Variants in TRIO observed in about 807,000 individuals in gnomAD.
The protein encoded by TRIO is trio Rho guanine nucleotide exchange factor, also known as triple functional domain protein.
Under a neutral mutation model 351.9 loss-of-function variants are expected in TRIO, and 58 were observed. That is an observed-to-expected ratio of 0.16 (90% CI 0.13 to 0.21). TRIO has a LOEUF of 0.21. Among genes scored for constraint, TRIO ranks in the 10% least tolerant of loss-of-function variants. The pLI is 1.00. For missense variants in TRIO, 3,201 were observed against 4,027.8 expected, an observed-to-expected ratio of 0.79 and a Z score of 5.56; for synonymous variants, 1,758 against 1,595.7, an observed-to-expected ratio of 1.10 and a Z score of -2.42.
At chr5:14,292,261 G>T (rs545847465) in intron 5 of TRIO, among the ~76,000 whole-genome samples, 2 of 152,278 alleles carry the variant, frequency 1.3e-5, no homozygotes, top group South Asian at 4.1e-4. Flanking sequence ...GTGTTCTTTT[G>T]TTTTAAGTAG....
intron 7 of TRIO, among the ~76,000 whole-genome samples, chr5:14,303,449 A>G (rs1312408): frequency 8.5e-4 from 101 of 118,514 alleles, no homozygotes; most frequent in Middle Eastern, 0.015. Context: ...TTGAGCCAGG[A>G]TTGGGATGGC....
At chr5:14,420,147 G>A in intron 34 of TRIO, 126 bp downstream of exon 34, 1 of 1,387,486 alleles carries the variant, frequency 7.2e-7, no homozygotes, top group Non-Finnish European at 9.7e-7. Context: ...TCAGCACATG[G>A]TCACTGACTG....
intron 1 of TRIO, among the ~76,000 whole-genome samples, chr5:14,170,733 T>G (rs1161331812): frequency 2.6e-5 from 4 of 152,150 alleles, no homozygotes; most frequent in African/African-American, 9.7e-5. Flanking sequence ...CTGGAACTCC[T>G]GACTTCAGTG....
chr5:14,264,396 A>G (rs1055886938), intron 1 of TRIO, among the ~76,000 whole-genome samples: 1 of 152,208 alleles, frequency 6.6e-6, no homozygotes, highest in African/African-American at 2.4e-5. Context: ...TAAAGGTTAT[A>G]GGTAAAAATT....
intron 15 of TRIO, among the ~76,000 whole-genome samples, chr5:14,366,363 G>A (rs1182343037): frequency 6.6e-6 from 1 of 152,092 alleles, no homozygotes; most frequent in South Asian, 2.1e-4. Context: ...CCTGATCATT[G>A]TAGCACAATG....
intron 1 of TRIO, among the ~76,000 whole-genome samples, chr5:14,261,803 T>C (rs1327474224): frequency 6.6e-6 from 1 of 152,250 alleles, no homozygotes; most frequent in Non-Finnish European, 1.5e-5. Flanking sequence ...TTTGGGCAGA[T>C]AACTTCTAAA....
chr5:14,165,698 G>A (rs980787016), intron 1 of TRIO, among the ~76,000 whole-genome samples: 6 of 152,252 alleles, frequency 3.9e-5, no homozygotes, highest in African/African-American at 9.6e-5. Context: ...CTTTCCTTGG[G>A]AAGGGATGTA....
rs1018447775 is a variant in TRIO at position 14,488,023 on chromosome 5, C to G, written c.7395C>G (p.Val2465=). ...SPLNSPLSSA[V]PSLGKEPFPP... ...TGAACTCGCCGCTCTCCAGCGCGGT[C>G]CCTTCTCTCGGCAAGGAGCCCTTCC... Residue 2465 remains valine, a synonymous_variant, in exon 48 of 57, where the codon GTC becomes GTG. Transcript: ENST00000344204. The G allele has an allele frequency of 6.3e-6, 10 of 1,598,884 alleles. No homozygotes were observed. Among genetic ancestry groups the G allele is most frequent in the South Asian group, 3.4e-5 (3 of 88,786 alleles).
intron 6 of TRIO, among the ~76,000 whole-genome samples, chr5:14,296,830 C>G (rs758822421): frequency 3.9e-5 from 6 of 152,114 alleles, no homozygotes; most frequent in Non-Finnish European, 8.8e-5. Context: ...AACAATTATG[C>G]CTTTCAGCTA....
At chr5:14,369,027 A>G in intron 17 of TRIO, 128 bp downstream of exon 17, 1 of 1,182,672 alleles carries the variant, frequency 8.5e-7, no homozygotes, top group South Asian at 1.5e-5. Flanking sequence ...CAAGCAGGGA[A>G]AAGGCATTCT....
At chr5:14,321,605 C>G (rs571870597) in intron 9 of TRIO, among the ~76,000 whole-genome samples, 2 of 152,322 alleles carry the variant, frequency 1.3e-5, no homozygotes, top group South Asian at 2.1e-4. Flanking sequence ...TGCCTTTTAA[C>G]TTGATGCTGT....
At chr5:14,415,417 T>C (rs899717844) in intron 33 of TRIO, among the ~76,000 whole-genome samples, 3 of 152,092 alleles carry the variant, frequency 2.0e-5, no homozygotes, top group African/African-American at 7.2e-5. Flanking sequence ...GAGAGCCATA[T>C]GTTCTTGAGC....
At chr5:14,409,682 A>C (rs1749027847) in intron 33 of TRIO, among the ~76,000 whole-genome samples, 1 of 151,932 alleles carries the variant, frequency 6.6e-6, no homozygotes, top group African/African-American at 2.4e-5. Flanking sequence ...AAAATGTAAA[A>C]AATTAGTCGA....
intron 49 of TRIO, among the ~76,000 whole-genome samples, chr5:14,495,704 C>CA (rs1756844176): frequency 1.4e-5 from 2 of 144,360 alleles, no homozygotes; most frequent in African/African-American, 5.2e-5. Flanking sequence ...CGTGGTGGCT[C>CA]ACGCCTGTAA....
intron 7 of TRIO, among the ~76,000 whole-genome samples, chr5:14,303,091 G>A (rs543986923): frequency 6.7e-6 from 1 of 149,994 alleles, no homozygotes; most frequent in South Asian, 2.2e-4. Flanking sequence ...GATTGAGCCG[G>A]GATTGGGATG....
intron 34 of TRIO, among the ~76,000 whole-genome samples, chr5:14,457,241 A>C (rs1021067887): frequency 1.3e-4 from 20 of 152,142 alleles, no homozygotes; most frequent in African/African-American, 4.6e-4. Context: ...AAATGAAAGA[A>C]TGTCACTTCC....
chr5:14,361,175 T>TG (rs1222838134), intron 13 of TRIO, among the ~76,000 whole-genome samples: 1 of 150,608 alleles, frequency 6.6e-6, no homozygotes, highest in African/African-American at 2.5e-5. Flanking sequence ...TTTTGATACT[T>TG]GAAAAAAAAA....
intron 1 of TRIO, among the ~76,000 whole-genome samples, chr5:14,267,429 G>A (rs1392611746): frequency 1.3e-5 from 2 of 151,960 alleles, no homozygotes; most frequent in African/African-American, 4.8e-5. Flanking sequence ...GGCCACCGAG[G>A]GCAGCCTGTA....
At chr5:14,413,033 G>C (rs995318019) in intron 33 of TRIO, among the ~76,000 whole-genome samples, 1 of 152,196 alleles carries the variant, frequency 6.6e-6, no homozygotes, top group Non-Finnish European at 1.5e-5. Flanking sequence ...TTCAGTTTCT[G>C]TGTCTCCGTT....
Sources: gnomAD v4.1 joint callset for allele counts (sites outside exome capture counted in the v4.1 genomes callset) on GRCh38, gnomAD v4.1.1 for gene constraint, MANE v1.5 for transcripts, NCBI Gene and HGNC (gene_info 2026-07-23, HGNC 2026-07-21) for gene names.